The following ADAM12 variants were observed in gnomAD, a reference collection of about 807,000 sequenced individuals.
The protein encoded by ADAM12 is ADAM metallopeptidase domain 12, also known as disintegrin and metalloproteinase domain-containing protein 12.
ADAM12 carries 70 observed loss-of-function variants against 106.4 expected under a neutral mutation model. That is an observed-to-expected ratio of 0.66 (90% CI 0.54 to 0.80). ADAM12 has a LOEUF of 0.80. Among genes scored for constraint, ADAM12 ranks in the 30% least tolerant of loss-of-function variants. The pLI is 0.00. For missense variants in ADAM12, 1,010 were observed against 1,171.9 expected (o/e 0.86, Z 2.02); for synonymous variants, 420 against 433.5 (o/e 0.97, Z 0.39).
intron 3 of ADAM12, among the ~76,000 whole-genome samples, chr10:126,222,997 C>CTAA (rs1416497275): frequency 6.6e-6 from 1 of 152,238 alleles, no homozygotes; most frequent in Non-Finnish European, 1.5e-5. Flanking sequence ...ATCATACTTA[C>CTAA]TAATTGTTCC....
At chr10:126,363,639 T>A (rs986030991) in intron 1 of ADAM12, among the ~76,000 whole-genome samples, 2 of 152,166 alleles carry the variant, frequency 1.3e-5, no homozygotes, top group East Asian at 3.9e-4. Flanking sequence ...TCTGTTCTTA[T>A]GCCTCTGCCT....
At chr10:126,158,999 G>T (rs541944659) in intron 3 of ADAM12, among the ~76,000 whole-genome samples, 1 of 152,212 alleles carries the variant, frequency 6.6e-6, no homozygotes, top group South Asian at 2.1e-4. Context: ...AACCCATAGT[G>T]GCCTCAATAG....
intron 5 of ADAM12, among the ~76,000 whole-genome samples, chr10:126,128,285 G>T (rs567030239): frequency 1.3e-5 from 2 of 152,228 alleles, no homozygotes; most frequent in South Asian, 4.2e-4. Flanking sequence ...AGTACCTGGT[G>T]ATATGGGGAT....
intron 11 of ADAM12, among the ~76,000 whole-genome samples, chr10:126,082,797 CCTCTT>C (rs1487053661): frequency 6.6e-6 from 1 of 152,144 alleles, no homozygotes; most frequent in Non-Finnish European, 1.5e-5. Flanking sequence ...ACATGAATTC[CCTCTT>C]CTCTTCCCAA....
intron 2 of ADAM12, among the ~76,000 whole-genome samples, chr10:126,317,166 G>T (rs566434399): frequency 2.6e-5 from 4 of 152,232 alleles, no homozygotes; most frequent in African/African-American, 9.6e-5. Flanking sequence ...GCAATTGAGC[G>T]AATCCACCCA....
intron 3 of ADAM12, among the ~76,000 whole-genome samples, chr10:126,251,623 T>TGAATGGATGGGATGATG (rs1958758748): frequency 7.2e-6 from 1 of 139,282 alleles, no homozygotes; most frequent in African/African-American, 2.7e-5. Context: ...CATGGATAGA[T>TGAATGGATGGGATGATG]GAATGGATGG....
chr10:126,107,934 G>A (rs897252307), intron 8 of ADAM12, among the ~76,000 whole-genome samples: 14 of 152,170 alleles, frequency 9.2e-5, no homozygotes, highest in Non-Finnish European at 1.3e-4. Flanking sequence ...GACAGAGAGC[G>A]CTGCCATTTT....
At chr10:126,022,079 A>AT (rs1277762851) in intron 21 of ADAM12, among the ~76,000 whole-genome samples, 11 of 152,218 alleles carry the variant, frequency 7.2e-5, no homozygotes, top group Non-Finnish European at 1.3e-4. Flanking sequence ...TCAGGTTTTT[A>AT]TTGCAATGCT....
intron 3 of ADAM12, among the ~76,000 whole-genome samples, chr10:126,172,160 G>A (rs768013625): frequency 6.6e-6 from 1 of 152,176 alleles, no homozygotes; most frequent in South Asian, 2.1e-4. Flanking sequence ...TATGTATTAA[G>A]TGCACTCCTG....
At chr10:126,108,249 A>AG (rs1955810341) in intron 8 of ADAM12, among the ~76,000 whole-genome samples, 1 of 152,132 alleles carries the variant, frequency 6.6e-6, no homozygotes. Context: ...GAGACCTGGG[A>AG]GAGGCCCGGC....
intron 11 of ADAM12, among the ~76,000 whole-genome samples, chr10:126,083,215 C>T (rs1217186482): frequency 1.3e-5 from 2 of 152,248 alleles, no homozygotes; most frequent in African/African-American, 4.8e-5. Context: ...CTCTCACTGA[C>T]ACCTCTGGGA....
intron 3 of ADAM12, among the ~76,000 whole-genome samples, chr10:126,241,810 A>G (rs955189158): frequency 3.9e-5 from 6 of 152,228 alleles, no homozygotes; most frequent in African/African-American, 9.7e-5. Flanking sequence ...TGCTTAATAA[A>G]TGGTGTTATT....
In ADAM12 at chr10:126,036,083, CATTAACAAGTAGCAGAATCTGGA is replaced by C. The variant is rs1193381469; in HGVS notation, c.2529+40_2529+62del. On this transcript the variant is annotated intron_variant, in intron 21 of 22. Transcript: ENST00000448723. ...GTTAAGCAACTTATCTAAGCTCACA[CATTAACAAGTAGCAGAATCTGGA>C]TTTGAACTACATCCTATCATATTAG... The C allele has an allele frequency of 4.6e-6, 6 of 1,315,348 alleles. No homozygotes were observed. The African/African-American group carries it at 9.1e-5, about 20-fold the overall frequency. The allele number at this position is 1,315,348 out of a possible 1,614,324, so 81.5% of individuals were successfully genotyped here. A position where few individuals can be genotyped will look rare whatever the true frequency, so the allele number is the denominator to read the frequency against.
At chr10:126,146,604 T>C (rs1251753273) in intron 4 of ADAM12, among the ~76,000 whole-genome samples, 1 of 152,136 alleles carries the variant, frequency 6.6e-6, no homozygotes, top group Non-Finnish European at 1.5e-5. Context: ...ACCTTGGCAT[T>C]ATCAATATTG....
chr10:126,282,620 T>C (rs528383245), intron 2 of ADAM12, among the ~76,000 whole-genome samples: 3 of 152,360 alleles, frequency 2.0e-5, no homozygotes, highest in Admixed American at 1.3e-4. Context: ...ATTTGTTAGA[T>C]TTATACATAT....
intron 2 of ADAM12, among the ~76,000 whole-genome samples, chr10:126,310,207 G>C (rs955292361): frequency 1.3e-5 from 2 of 151,220 alleles, no homozygotes; most frequent in Admixed American, 1.3e-4. Context: ...TATTCTGAAA[G>C]GGTCCAGAGA....
At chr10:126,106,326 G>T (rs747187562) in intron 8 of ADAM12, among the ~76,000 whole-genome samples, 1 of 152,022 alleles carries the variant, frequency 6.6e-6, no homozygotes, top group Non-Finnish European at 1.5e-5. Context: ...GTACCTGAGA[G>T]TGTGTGCAAA....
intron 11 of ADAM12, among the ~76,000 whole-genome samples, chr10:126,077,519 C>T (rs1264064442): frequency 6.6e-6 from 1 of 152,132 alleles, no homozygotes; most frequent in Non-Finnish European, 1.5e-5. Flanking sequence ...GTAACCAAAA[C>T]AGCATGGTAG....
At chr10:126,027,829 C>T (rs572971563) in intron 21 of ADAM12, among the ~76,000 whole-genome samples, 61 of 152,242 alleles carry the variant, frequency 4.0e-4, no homozygotes, top group Non-Finnish European at 6.9e-4. Flanking sequence ...TCCTAGTCAA[C>T]ATAGTATTGG....
Sources: gnomAD v4.1 joint callset for allele counts (sites outside exome capture counted in the v4.1 genomes callset) on GRCh38, gnomAD v4.1.1 for gene constraint, MANE v1.5 for transcripts, NCBI Gene and HGNC (gene_info 2026-07-23, HGNC 2026-07-21) for gene names.